RCOR1: variants seen among roughly 807,000 people sequenced by gnomAD.
RCOR1 encodes REST corepressor 1, also known as REST corepressor.
RCOR1 carries 12 observed loss-of-function variants against 64.0 expected under a neutral mutation model. That is an observed-to-expected ratio of 0.19 (90% CI 0.12 to 0.30). The LOEUF (loss-of-function observed/expected upper bound fraction) is 0.30, where lower values mean the gene tolerates loss of function less well. Ranked by LOEUF, RCOR1 falls within the 10% of genes least tolerant of loss-of-function variation. The probability of loss-of-function intolerance (pLI) is 1.00; values close to 1 mark genes in which losing one functional copy is unlikely to be tolerated. For synonymous variants in RCOR1, 279 were observed against 227.2 expected (o/e 1.23, Z -2.05); for missense variants, 502 against 621.2 (o/e 0.81, Z 2.04).
intron 2 of RCOR1, among the ~76,000 whole-genome samples, chr14:102,648,376 G>C (rs1187329180): frequency 6.6e-6 from 1 of 152,194 alleles, no homozygotes; most frequent in Non-Finnish European, 1.5e-5. Context: ...ATTGCACCTA[G>C]CCCTCTATAA....
chr14:102,631,445 C>T (rs1002819789), intron 2 of RCOR1, among the ~76,000 whole-genome samples: 24 of 151,904 alleles, frequency 1.6e-4, no homozygotes, highest in Admixed American at 6.6e-4. Flanking sequence ...CCTCATGATC[C>T]GCCTGCCTTG....
chr14:102,628,110 G>C (rs1308905343), intron 2 of RCOR1, among the ~76,000 whole-genome samples: 1 of 152,078 alleles, frequency 6.6e-6, no homozygotes, highest in African/African-American at 2.4e-5. Context: ...AGGTGAGCCA[G>C]TGTCTCAGCT....
chr14:102,656,891 T>C (rs1894738874), intron 2 of RCOR1, among the ~76,000 whole-genome samples: 1 of 151,894 alleles, frequency 6.6e-6, no homozygotes, highest in African/African-American at 2.4e-5. Context: ...TTCTCTTGCC[T>C]CAGCCTCCCA....
At chr14:102,721,478 GA>G in intron 10 of RCOR1, 101 bp downstream of exon 10, 4 of 796,306 alleles carry the variant, frequency 5.0e-6, no homozygotes, top group Non-Finnish European at 8.5e-6. Flanking sequence ...TTGAGCCCAG[GA>G]GCTCAAGGCT....
chr14:102,655,392 C>T, intron 2 of RCOR1: 2 of 985,290 alleles, frequency 2.0e-6, no homozygotes, highest in Middle Eastern at 5.2e-4. Context: ...CTTTGTGAAG[C>T]TCATTGACAT....
Position 102,596,250 on chromosome 14 carries a change from C to T in RCOR1, c.361+2925C>T, listed in dbSNP as rs191930029. Among the ~76,000 whole-genome samples, 340 of 151,858 alleles carry T rather than the reference C, an allele frequency of 2.2e-3. 2 individuals are homozygous for T. Among genetic ancestry groups the T allele is most frequent in the Middle Eastern group, 3.4e-3 (1 of 294 alleles). ...CTAAGTAGCTGGGATTACAGGCATG[C>T]GCCACCATGCCTGGCTAATTTTTTG... On this transcript the variant is annotated intron_variant, in intron 2 of 11. Coordinates refer to ENST00000262241, the MANE Select transcript of RCOR1 (RefSeq NM_015156.4).
chr14:102,726,531 G>T lies in RCOR1; in HGVS notation c.*25G>T, dbSNP rs1232747037. On this transcript the variant is annotated 3_prime_UTR_variant, in exon 12 of 12. Coordinates refer to ENST00000262241, the MANE Select transcript of RCOR1 (RefSeq NM_015156.4). ...AGAAACTGGTGGCTTTGAACACTTG[G>T]TGTGGACTACTGTGTTATCCGGGAT... 2 of 1,590,226 alleles carry T rather than the reference G, an allele frequency of 1.3e-6. No individual in the cohort carries two copies. Among genetic ancestry groups the T allele is most frequent in the South Asian group, 1.1e-5 (1 of 89,628 alleles).
chr14:102,715,600 C>T (rs911592926), intron 8 of RCOR1, among the ~76,000 whole-genome samples: 1 of 151,730 alleles, frequency 6.6e-6, no homozygotes, highest in Non-Finnish European at 1.5e-5. Context: ...CCAGGCTGGT[C>T]TTGAACTCCT....
At chr14:102,680,972 C>A (rs72702761) in intron 2 of RCOR1, among the ~76,000 whole-genome samples, 2 of 152,170 alleles carry the variant, frequency 1.3e-5, no homozygotes, top group African/African-American at 2.4e-5. Context: ...TTTAAAGTAA[C>A]TGCCTCTCAG....
chr14:102,668,976 C>T (rs1595221168), intron 2 of RCOR1, among the ~76,000 whole-genome samples: 1 of 151,982 alleles, frequency 6.6e-6, no homozygotes, highest in South Asian at 2.1e-4. Context: ...TTTAAACTTT[C>T]AGCATTTAAA....
intron 2 of RCOR1, among the ~76,000 whole-genome samples, chr14:102,644,369 T>C (rs1894437286): frequency 6.6e-6 from 1 of 152,210 alleles, no homozygotes; most frequent in Admixed American, 6.5e-5. Context: ...AGATTCCATC[T>C]CTTGGTAGGA....
At chr14:102,687,717 A>G (rs1271580408) in intron 3 of RCOR1, among the ~76,000 whole-genome samples, 2 of 152,194 alleles carry the variant, frequency 1.3e-5, no homozygotes, top group Admixed American at 1.3e-4. Context: ...GAAACTGAAA[A>G]ATGTTCACTT....
At chr14:102,682,746 T>C (rs761002111) in intron 3 of RCOR1, among the ~76,000 whole-genome samples, 7 of 152,216 alleles carry the variant, frequency 4.6e-5, no homozygotes, top group Admixed American at 1.3e-4. Context: ...TTTGAACCTT[T>C]ATGCCAGCAC....
intron 2 of RCOR1, among the ~76,000 whole-genome samples, chr14:102,644,908 T>C (rs1205911503): frequency 6.6e-6 from 1 of 152,234 alleles, no homozygotes; most frequent in Non-Finnish European, 1.5e-5. Context: ...TTTTGTCTTC[T>C]GAGTTACCCT....
At chr14:102,598,830 T>C (rs1893322634) in intron 2 of RCOR1, among the ~76,000 whole-genome samples, 1 of 152,078 alleles carries the variant, frequency 6.6e-6, no homozygotes, top group Non-Finnish European at 1.5e-5. Context: ...ATACCATTTG[T>C]GTTTACACTG....
chr14:102,604,692 C>A (rs2139883451), intron 2 of RCOR1, among the ~76,000 whole-genome samples: 1 of 152,198 alleles, frequency 6.6e-6, no homozygotes, highest in South Asian at 2.1e-4. Flanking sequence ...ACAAGATAGA[C>A]TGTTAATTTT....
intron 2 of RCOR1, among the ~76,000 whole-genome samples, chr14:102,654,819 C>CTTTTT (rs146480116): frequency 5.2e-5 from 6 of 115,030 alleles, no homozygotes; most frequent in African/African-American, 6.5e-5. Context: ...TGTTCTTTTC[C>CTTTTT]TTTTTTTTTG....
chr14:102,597,628 CTTTTTTTTTTTTTTTTTTT>C, intron 2 of RCOR1, among the ~76,000 whole-genome samples: 1 of 44,990 alleles, frequency 2.2e-5, no homozygotes, highest in East Asian at 8.0e-4. Flanking sequence ...TGCGCCCGAC[CTTTTTTTTTTTTTTTTTTT>C]TTTTTTTGAA....
intron 2 of RCOR1, among the ~76,000 whole-genome samples, chr14:102,597,549 G>T (rs1037783050): frequency 6.7e-6 from 1 of 149,692 alleles, no homozygotes; most frequent in Non-Finnish European, 1.5e-5. Context: ...GGCTGGTCTC[G>T]AACTCCTGAC....
Sources: allele counts gnomAD v4.1 joint callset (sites outside exome capture counted in the v4.1 genomes callset), GRCh38; gene constraint gnomAD v4.1.1; transcripts MANE v1.5; gene names NCBI Gene and HGNC (gene_info 2026-07-23, HGNC 2026-07-21).